PABPC4L: variants seen among roughly 807,000 people sequenced by gnomAD.
PABPC4L encodes poly(A) binding protein cytoplasmic 4 like.
For synonymous variants in PABPC4L, 169 were observed against 164.1 expected, an observed-to-expected ratio of 1.03 and a Z score of -0.23; for missense variants, 452 against 451.4, an observed-to-expected ratio of 1.00 and a Z score of -0.01.
chr4:134,167,361 C>T, the PABPC4L span, among the ~76,000 whole-genome samples: 2 of 151,670 alleles, frequency 1.3e-5, no homozygotes, highest in Non-Finnish European at 2.9e-5. Context: ...TGCTGTGATC[C>T]TAATACTGCT....
the PABPC4L span, among the ~76,000 whole-genome samples, chr4:134,071,737 G>A: frequency 6.6e-6 from 1 of 152,096 alleles, no homozygotes; most frequent in East Asian, 1.9e-4. Flanking sequence ...TTTTAATACA[G>A]TAAATAATTT....
At chr4:133,998,735 T>C in the PABPC4L span, among the ~76,000 whole-genome samples, 4 of 151,884 alleles carry the variant, frequency 2.6e-5, no homozygotes, top group East Asian at 7.7e-4. Flanking sequence ...ATGATAATTA[T>C]GGTTTTTTTT....
At chr4:134,160,051 T>G in the PABPC4L span, among the ~76,000 whole-genome samples, 1 of 151,990 alleles carries the variant, frequency 6.6e-6, no homozygotes, top group Non-Finnish European at 1.5e-5. Context: ...ATGGACCCAA[T>G]CCAAGAAGGA....
At chr4:134,053,281 C>A in the PABPC4L span, among the ~76,000 whole-genome samples, 3 of 152,094 alleles carry the variant, frequency 2.0e-5, no homozygotes, top group Non-Finnish European at 4.4e-5. Context: ...TGCACAACTG[C>A]AAGCTATTGA....
the PABPC4L span, among the ~76,000 whole-genome samples, chr4:134,036,271 C>A: frequency 6.0e-4 from 92 of 152,148 alleles, no homozygotes; most frequent in African/African-American, 2.0e-3. Context: ...TAAACCTTTA[C>A]CTTTCTGACT....
At chr4:134,175,055 A>G in the PABPC4L span, among the ~76,000 whole-genome samples, 1 of 152,284 alleles carries the variant, frequency 6.6e-6, no homozygotes, top group East Asian at 1.9e-4. Flanking sequence ...CTATACCTTC[A>G]TTCAGAACAG....
At chr4:134,020,223 T>C in the PABPC4L span, among the ~76,000 whole-genome samples, 1 of 151,976 alleles carries the variant, frequency 6.6e-6, no homozygotes, top group Non-Finnish European at 1.5e-5. Context: ...GTACAGCTAT[T>C]CCGTAGATAG....
chr4:134,088,276 C>T, the PABPC4L span, among the ~76,000 whole-genome samples: 4 of 152,104 alleles, frequency 2.6e-5, 1 homozygote, highest in South Asian at 8.3e-4. Context: ...TTTATATCTC[C>T]AGTTTCAATT....
the PABPC4L span, among the ~76,000 whole-genome samples, chr4:134,174,759 A>G: frequency 6.6e-6 from 1 of 151,962 alleles, no homozygotes; most frequent in Non-Finnish European, 1.5e-5. Context: ...CTTCATTTCT[A>G]TATATTTTTT....
the PABPC4L span, among the ~76,000 whole-genome samples, chr4:134,022,007 G>A: frequency 6.6e-6 from 1 of 152,058 alleles, no homozygotes; most frequent in East Asian, 1.9e-4. Context: ...AGGTATTGGA[G>A]GCAATTTTTT....
At chr4:134,130,737 T>A in the PABPC4L span, among the ~76,000 whole-genome samples, 1 of 151,904 alleles carries the variant, frequency 6.6e-6, no homozygotes, top group Non-Finnish European at 1.5e-5. Context: ...TAGGCCAATA[T>A]CCCTTATGAA....
the PABPC4L span, among the ~76,000 whole-genome samples, chr4:134,121,043 A>C: frequency 6.6e-6 from 1 of 151,128 alleles, no homozygotes; most frequent in African/African-American, 2.4e-5. Context: ...AATTTTCTAC[A>C]ATTCTACTTT....
chr4:134,050,214 A>G, the PABPC4L span, among the ~76,000 whole-genome samples: 123,675 of 152,084 alleles, frequency 0.81, 50,734 homozygotes, highest in East Asian at 1. Flanking sequence ...GGACAGGTTG[A>G]AAGGTCATTT....
At chr4:133,967,807 C>T in the PABPC4L span, among the ~76,000 whole-genome samples, 3 of 152,068 alleles carry the variant, frequency 2.0e-5, no homozygotes, top group African/African-American at 7.2e-5. Context: ...GAATATGGCA[C>T]CAGGACTCAG....
the PABPC4L span, among the ~76,000 whole-genome samples, chr4:134,107,264 T>C: frequency 1.3e-5 from 2 of 151,460 alleles, no homozygotes; most frequent in African/African-American, 4.8e-5. Flanking sequence ...ATAGAGTAGA[T>C]AGATAATTCC....
chr4:134,024,552 A>T, the PABPC4L span, among the ~76,000 whole-genome samples: 1 of 152,088 alleles, frequency 6.6e-6, no homozygotes, highest in Admixed American at 6.6e-5. Context: ...TCTTACAAGA[A>T]CAACAGTCCT....
At chr4:134,127,269 G>T in the PABPC4L span, among the ~76,000 whole-genome samples, 1 of 152,074 alleles carries the variant, frequency 6.6e-6, no homozygotes, top group African/African-American at 2.4e-5. Context: ...TGACCCTAGG[G>T]CAAGCTTGTA....
At chr4:134,061,800 A>G in the PABPC4L span, among the ~76,000 whole-genome samples, 1 of 151,886 alleles carries the variant, frequency 6.6e-6, no homozygotes, top group Non-Finnish European at 1.5e-5. Context: ...GTTATTGTTA[A>G]TTACAGAAGT....
At chr4:134,114,054 A>G in the PABPC4L span, among the ~76,000 whole-genome samples, 192 of 151,938 alleles carry the variant, frequency 1.3e-3, no homozygotes, top group African/African-American at 4.4e-3. Context: ...ATGGGCAAGA[A>G]GCAAGTGGAA....
Sources: allele counts gnomAD v4.1 joint callset (sites outside exome capture counted in the v4.1 genomes callset), GRCh38; gene constraint gnomAD v4.1.1; transcripts MANE v1.5; gene names NCBI Gene and HGNC (gene_info 2026-07-23, HGNC 2026-07-21).